Variants in ARHGAP24 observed in about 807,000 individuals in gnomAD.
The protein encoded by ARHGAP24 is rho GTPase-activating protein 24.
Under a neutral mutation model 76.4 loss-of-function variants are expected in ARHGAP24, and 50 were observed. That is an observed-to-expected ratio of 0.65 (90% CI 0.52 to 0.83). The LOEUF (loss-of-function observed/expected upper bound fraction) is 0.83. Ranked by LOEUF, ARHGAP24 falls within the 40% of genes least tolerant of loss-of-function variation. The pLI, the probability that ARHGAP24 is intolerant of heterozygous loss-of-function variation, is 0.00. For synonymous variants in ARHGAP24, 345 were observed against 323.3 expected, an observed-to-expected ratio of 1.07 and a Z score of -0.72; for missense variants, 930 against 914.2, an observed-to-expected ratio of 1.02 and a Z score of -0.22.
Position 85,985,524 on chromosome 4 carries a change from G to A in ARHGAP24, c.928+7833G>A, listed in dbSNP as rs140878187. Among the ~76,000 whole-genome samples, 401 of 152,094 alleles carry A rather than the reference G, an allele frequency of 2.6e-3. 2 individuals carry two copies. Among genetic ancestry groups the A allele is most frequent in the African/African-American group, 9.1e-3 (377 of 41,500 alleles). On this transcript the variant is annotated intron_variant, in intron 8 of 9. Coordinates refer to ENST00000395184, the MANE Select transcript of ARHGAP24 (RefSeq NM_001025616.3). ...GAGGGAGAGGATCAGGAAAAATAAC[G>A]GGTACTAAGCTTCATACCTGGACAA...
At chr4:85,941,951 A>G in intron 4 of ARHGAP24, 115 bp from the exon 5 acceptor site, 1 of 1,007,272 alleles carries the variant, frequency 9.9e-7, no homozygotes, top group Admixed American at 2.0e-5. Flanking sequence ...CTGAATGTTA[A>G]GTGCTTGCTA....
intron 2 of ARHGAP24, among the ~76,000 whole-genome samples, chr4:85,697,478 C>G (rs966225270): frequency 1.1e-4 from 17 of 152,006 alleles, no homozygotes; most frequent in Non-Finnish European, 2.2e-4. Context: ...CACATGTACC[C>G]TAAAACTTAA....
intron 4 of ARHGAP24, among the ~76,000 whole-genome samples, chr4:85,941,675 G>A (rs546582451): frequency 5.9e-5 from 9 of 152,038 alleles, no homozygotes; most frequent in Non-Finnish European, 1.3e-4. Flanking sequence ...TGTAATAAAG[G>A]TAGAATTTGA....
Position 85,664,907 on chromosome 4 carries a change from T to C in ARHGAP24, c.181-56978T>C, listed in dbSNP as rs1249589637. On this transcript the variant is annotated intron_variant, in intron 2 of 9. Coordinates refer to ENST00000395184, the MANE Select transcript of ARHGAP24 (RefSeq NM_001025616.3). Reference sequence around the variant, plus strand: ...TTGTTATAATTTCTGATCTTTTACATTTGCTGAGGAGAGCTTTGCTTCCAA... The same window carrying C: ...TTGTTATAATTTCTGATCTTTTACACTTGCTGAGGAGAGCTTTGCTTCCAA... Among the ~76,000 whole-genome samples the C allele has an allele frequency of 7.2e-5, 11 of 152,308 alleles. No homozygotes were observed. The East Asian group carries it at 1.2e-3, about 16-fold the overall frequency.
intron 3 of ARHGAP24, among the ~76,000 whole-genome samples, chr4:85,830,163 C>G (rs559038989): frequency 6.6e-6 from 1 of 152,230 alleles, no homozygotes; most frequent in South Asian, 2.1e-4. Flanking sequence ...CAGCTTTACA[C>G]TTTTCTTCTA....
intron 5 of ARHGAP24, among the ~76,000 whole-genome samples, chr4:85,946,445 G>A (rs1321023118): frequency 6.6e-6 from 1 of 152,138 alleles, no homozygotes; most frequent in East Asian, 1.9e-4. Flanking sequence ...AGCGTAGTAC[G>A]CCAATAGGCA....
intron 2 of ARHGAP24, among the ~76,000 whole-genome samples, chr4:85,622,337 A>G (rs1417988173): frequency 7.0e-6 from 1 of 143,696 alleles, no homozygotes; most frequent in East Asian, 2.2e-4. Flanking sequence ...ATGAGTGAGA[A>G]CATGCGGTGT....
chr4:85,807,656 T>C (rs1346508197), intron 3 of ARHGAP24, among the ~76,000 whole-genome samples: 2 of 152,158 alleles, frequency 1.3e-5, no homozygotes, highest in Non-Finnish European at 2.9e-5. Flanking sequence ...CCACATACTA[T>C]CCTGATGACG....
chr4:85,590,138 G>A (rs1728023989), intron 2 of ARHGAP24, among the ~76,000 whole-genome samples: 1 of 151,954 alleles, frequency 6.6e-6, no homozygotes, highest in South Asian at 2.1e-4. Context: ...TAATTTGTTT[G>A]GAATGAGAAA....
At position 85,726,050 on chromosome 4, in the gene ARHGAP24, T is replaced by C. The variant is rs548258527; in HGVS notation, c.268+4078T>C. ...AGTCCTCCCCCTCAAAAACCAGTGC[T>C]GATTTTGAAAACTGCTTCCTCCAAG... is the stretch of plus-strand genomic sequence containing the variant. On this transcript the variant is annotated intron_variant, in intron 3 of 9. Transcript: ENST00000395184. 6.6e-5 allele frequency among the ~76,000 whole-genome samples: 10 copies of C among 152,316 alleles called. No homozygotes were observed. The South Asian group carries it at 2.1e-3, about 32-fold the overall frequency.
At chr4:85,539,666 G>GAAAAAA in intron 1 of ARHGAP24, among the ~76,000 whole-genome samples, 1 of 152,120 alleles carries the variant, frequency 6.6e-6, no homozygotes, top group South Asian at 2.1e-4. Context: ...AAGGAAAATT[G>GAAAAAA]AAAAAAAGCC....
intron 3 of ARHGAP24, among the ~76,000 whole-genome samples, chr4:85,749,507 G>T (rs1310245811): frequency 6.6e-6 from 1 of 152,094 alleles, no homozygotes; most frequent in African/African-American, 2.4e-5. Flanking sequence ...GTCAAACTAG[G>T]CATGCCTCTT....
rs72974945 is a variant in ARHGAP24 at position 85,707,371 on chromosome 4, G to A, written c.181-14514G>A. 9.6e-3 allele frequency among the ~76,000 whole-genome samples: 1,455 copies of A among 152,186 alleles called. 24 individuals are homozygous for A. The highest frequency in any genetic ancestry group is 0.032 in the African/African-American group (1,331 of 41,518). Reference sequence around the variant, plus strand: ...TCCCTCACCAGAGAAATGTTTGAATGCGTCCTTGTGCTTCTTGAATTAGTA... The same window carrying A: ...TCCCTCACCAGAGAAATGTTTGAATACGTCCTTGTGCTTCTTGAATTAGTA... On this transcript the variant is annotated intron_variant, in intron 2 of 9. Coordinates refer to ENST00000395184, the MANE Select transcript of ARHGAP24 (RefSeq NM_001025616.3).
intron 4 of ARHGAP24, chr4:85,930,959 GC>G: frequency 6.2e-7 from 1 of 1,613,590 alleles, no homozygotes; most frequent in Non-Finnish European, 8.5e-7. Context: ...TCTGGGGGGT[GC>G]CCGGCTGGTG....
intron 2 of ARHGAP24, among the ~76,000 whole-genome samples, chr4:85,683,117 T>TGGGGGGGGGGGGGGGGGGGGGG (rs201448168): frequency 1.6e-4 from 9 of 56,950 alleles, no homozygotes; most frequent in South Asian, 1.3e-3. Context: ...TGTGGGGGGG[T>TGGGGGGGGGGGGGGGGGGGGGG]GGGGGGGGGG....
intron 3 of ARHGAP24, among the ~76,000 whole-genome samples, chr4:85,886,457 G>A (rs1345430184): frequency 6.6e-6 from 1 of 152,072 alleles, no homozygotes; most frequent in African/African-American, 2.4e-5. Context: ...ACCAGAAGGT[G>A]GTCCTGAAAG....
At position 85,934,058 on chromosome 4, in the gene ARHGAP24, C is replaced by T. The variant is rs141833555; in HGVS notation, c.392-8008C>T. ...TAACCTAAGTAGTGGCTTTTCAAGA[C>T]AGCATTCATCCTCACCTCTGTGCAC... On this transcript the variant is annotated intron_variant, in intron 4 of 9. Transcript: ENST00000395184. Among the ~76,000 whole-genome samples the T allele has an allele frequency of 2.8e-3, 432 of 152,310 alleles. 3 individuals are homozygous for T. The highest frequency in any genetic ancestry group is 0.01 in the African/African-American group (416 of 41,566).
At chr4:85,577,324 A>C (rs1322091027) in intron 2 of ARHGAP24, among the ~76,000 whole-genome samples, 1 of 151,974 alleles carries the variant, frequency 6.6e-6, no homozygotes, top group Non-Finnish European at 1.5e-5. Flanking sequence ...GTAAGTAAGG[A>C]AAGTTTGCTT....
chr4:85,973,373 GT>G (rs1275382169), intron 6 of ARHGAP24, among the ~76,000 whole-genome samples: 2 of 152,078 alleles, frequency 1.3e-5, no homozygotes, highest in East Asian at 3.9e-4. Context: ...TTTCAGTTGG[GT>G]TATTTGCCTT....
Sources: allele counts gnomAD v4.1 joint callset (sites outside exome capture counted in the v4.1 genomes callset), GRCh38; gene constraint gnomAD v4.1.1; transcripts MANE v1.5; gene names NCBI Gene and HGNC (gene_info 2026-07-23, HGNC 2026-07-21).